Variants in AFF2 observed in about 807,000 individuals in gnomAD.
The protein encoded by AFF2 is AF4/FMR2 family member 2.
A neutral mutation model predicts 76.9 loss-of-function variants in AFF2; 14 were observed. The observed-to-expected ratio is 0.18, with a 90% CI of 0.12 to 0.28. AFF2 has a LOEUF of 0.28. Among genes scored for constraint, AFF2 ranks in the 10% least tolerant of loss-of-function variants. AFF2 has a pLI of 1.00. For missense variants in AFF2, 868 were observed against 1,001.1 expected, an observed-to-expected ratio of 0.87 and a Z score of 1.79; for synonymous variants, 398 against 366.7, an observed-to-expected ratio of 1.09 and a Z score of -0.98.
chrX:148,931,399 A>C (rs2071712365), intron 9 of AFF2, among the ~76,000 whole-genome samples: 3 of 111,786 alleles, frequency 2.7e-5, no homozygotes, highest in Admixed American at 9.5e-5. Flanking sequence ...TAAAAATTTT[A>C]AAATGTGATG....
chrX:148,659,701 G>A (rs1252071946), intron 2 of AFF2, among the ~76,000 whole-genome samples: 1 of 112,170 alleles, frequency 8.9e-6, no homozygotes, highest in Non-Finnish European at 1.9e-5. Flanking sequence ...TCAGCACAAT[G>A]AAATTTCTTT....
chrX:148,986,442 A>T (rs1205479124), intron 19 of AFF2, among the ~76,000 whole-genome samples: 1 of 112,370 alleles, frequency 8.9e-6, no homozygotes, highest in African/African-American at 3.2e-5. Flanking sequence ...TACAGCCAGC[A>T]GGTGACTCCT....
At chrX:148,659,100 A>G (rs546228428) in intron 2 of AFF2, among the ~76,000 whole-genome samples, 2 of 111,886 alleles carry the variant, frequency 1.8e-5, no homozygotes, top group African/African-American at 3.2e-5. Context: ...AGAAATTTCA[A>G]TTTTCCTCTA....
chrX:148,940,669 A>T (rs1282812579), intron 9 of AFF2, among the ~76,000 whole-genome samples: 1 of 110,971 alleles, frequency 9.0e-6, no homozygotes, highest in Admixed American at 9.6e-5. Flanking sequence ...GTAACTCAGG[A>T]TTGTCATTCC....
chrX:148,960,192 G>A (rs1324974665), intron 12 of AFF2, among the ~76,000 whole-genome samples: 2 of 112,483 alleles, frequency 1.8e-5, no homozygotes, highest in African/African-American at 6.5e-5. Context: ...CACTGGGTGA[G>A]TGTTACATTT....
At chrX:148,583,873 T>G (rs1281651247) in intron 1 of AFF2, among the ~76,000 whole-genome samples, 2 of 111,955 alleles carry the variant, frequency 1.8e-5, no homozygotes, top group Non-Finnish European at 3.8e-5. Context: ...CATGACACTA[T>G]GGAAAGAAGC....
chrX:148,951,849 C>T (rs1335943085), intron 9 of AFF2, among the ~76,000 whole-genome samples: 1 of 111,921 alleles, frequency 8.9e-6, no homozygotes, highest in Non-Finnish European at 1.9e-5. Flanking sequence ...CACACAGTTC[C>T]CAGGAGATAC....
chrX:148,519,562 C>A (rs1288791976), intron 1 of AFF2, among the ~76,000 whole-genome samples: 1 of 111,994 alleles, frequency 8.9e-6, no homozygotes, highest in African/African-American at 3.2e-5. Flanking sequence ...CTAAACTATT[C>A]TTGTGCTTAT....
intron 1 of AFF2, among the ~76,000 whole-genome samples, chrX:148,614,732 TC>T (rs2053772965): frequency 1.6e-5 from 1 of 60,746 alleles, no homozygotes; most frequent in Admixed American, 1.6e-4. Context: ...TTTCTTTCTT[TC>T]CTTCTTTTCT....
chrX:148,581,319 T>A (rs1361399562), intron 1 of AFF2, among the ~76,000 whole-genome samples: 1 of 70,257 alleles, frequency 1.4e-5, no homozygotes, highest in Non-Finnish European at 2.8e-5. Context: ...CGTATACGTG[T>A]ACACACATAT....
chrX:148,581,651 C>CGT lies in AFF2; in HGVS notation c.48-70348_48-70347insGT, dbSNP rs1557245085. On this transcript the variant is annotated intron_variant, in intron 1 of 20. Transcript: ENST00000370460. ...ACGTATACGTGTACACACATATATA[C>CGT]ATATACGTATACGTGTACACACATA... Among the ~76,000 whole-genome samples the CGT allele has an allele frequency of 6.3e-3, 654 of 103,042 alleles. 149 individuals are homozygous for CGT. The highest frequency in any genetic ancestry group is 9.1e-3 in the Non-Finnish European group (461 of 50,527). The allele number at this position is 103,042 out of a possible 115,157, so 89.5% of individuals were successfully genotyped here.
intron 3 of AFF2, among the ~76,000 whole-genome samples, chrX:148,665,456 G>A (rs1557258350): frequency 9.0e-6 from 1 of 111,597 alleles, no homozygotes; most frequent in East Asian, 2.8e-4. Context: ...TAAAATATGG[G>A]TTTCAAGGAA....
chrX:148,613,343 T>C lies in AFF2; in HGVS notation c.48-38656T>C, dbSNP rs1183690058. ...TGCAGAATTTGTGAGGGGATGAGTG[T>C]AAAGAATATTAAATGCATAACAGAT... On this transcript the variant is annotated intron_variant, in intron 1 of 20. Coordinates refer to ENST00000370460, the MANE Select transcript of AFF2 (RefSeq NM_002025.4). Among the ~76,000 whole-genome samples, 8 of 111,480 alleles carry C rather than the reference T, an allele frequency of 7.2e-5. No individual in the cohort carries two copies. The Admixed American group carries it at 7.6e-4, about 11-fold the overall frequency.
intron 7 of AFF2, among the ~76,000 whole-genome samples, chrX:148,868,388 C>G (rs1336596545): frequency 9.0e-6 from 1 of 111,579 alleles, no homozygotes; most frequent in East Asian, 2.8e-4. Context: ...ATTGCCTGGC[C>G]GAAGTTATGC....
In AFF2 at chrX:148,896,897, C is replaced by T. The variant is rs1346156035; in HGVS notation, c.1360-7324C>T. On this transcript the variant is annotated intron_variant, in intron 8 of 20. Transcript: ENST00000370460. ...GTAATGCTGTCTGTGGTCCAAGAGA[C>T]ATTCTGCTTTGATCTGCCATGTTCT... Among the ~76,000 whole-genome samples the T allele has an allele frequency of 1.4e-4, 15 of 109,762 alleles. No homozygotes were observed. The Admixed American group carries it at 1.5e-3, about 11-fold the overall frequency.
chrX:148,660,155 TA>T (rs1251068260), intron 2 of AFF2, among the ~76,000 whole-genome samples: 5 of 112,238 alleles, frequency 4.5e-5, no homozygotes, highest in Non-Finnish European at 7.5e-5. Flanking sequence ...ATATTTCTCC[TA>T]TTGCCCTCAT....
intron 12 of AFF2, 107 bp from the exon 13 acceptor site, chrX:148,962,608 G>A: frequency 1.6e-6 from 1 of 609,352 alleles, no homozygotes. Flanking sequence ...TAGGTAGAGG[G>A]ACAGCAATTA....
At chrX:148,598,796 A>G (rs1384428732) in intron 1 of AFF2, among the ~76,000 whole-genome samples, 2 of 112,456 alleles carry the variant, frequency 1.8e-5, no homozygotes, top group African/African-American at 3.2e-5. Flanking sequence ...CGTTCTTGTT[A>G]ACTATAAAGA....
intron 9 of AFF2, among the ~76,000 whole-genome samples, chrX:148,921,674 T>A (rs1278575120): frequency 8.9e-6 from 1 of 112,580 alleles, no homozygotes; most frequent in Non-Finnish European, 1.9e-5. Context: ...AGGAATTTGA[T>A]GGCATTTTAA....
Sources: allele counts gnomAD v4.1 joint callset (sites outside exome capture counted in the v4.1 genomes callset), GRCh38; gene constraint gnomAD v4.1.1; transcripts MANE v1.5; gene names NCBI Gene and HGNC (gene_info 2026-07-23, HGNC 2026-07-21).